PEX7: variants seen among roughly 807,000 people sequenced by gnomAD.
The protein encoded by PEX7 is peroxisomal biogenesis factor 7.
PEX7 carries 34 observed loss-of-function variants against 47.5 expected under a neutral mutation model. That is an observed-to-expected ratio of 0.72 (90% CI 0.54 to 0.95). The LOEUF is 0.95. Ranked by LOEUF, PEX7 falls within the 40% of genes least tolerant of loss-of-function variation. The pLI is 0.00. For synonymous variants in PEX7, 141 were observed against 148.8 expected (o/e 0.95, Z 0.38); for missense variants, 394 against 400.3 (o/e 0.98, Z 0.13).
intron 1 of PEX7, among the ~76,000 whole-genome samples, chr6:136,824,306 TC>T (rs1774146552): frequency 6.6e-6 from 1 of 152,148 alleles, no homozygotes; most frequent in African/African-American, 2.4e-5. Flanking sequence ...GCTCATATGA[TC>T]CTCCTGTCTC....
intron 7 of PEX7, 129 bp from the exon 8 acceptor site, chr6:136,872,069 G>A: frequency 1.3e-6 from 1 of 785,500 alleles, no homozygotes; most frequent in Non-Finnish European, 2.0e-6. Flanking sequence ...CTTTGAAAAA[G>A]CATAATTTTA....
At chr6:136,872,170 G>T (rs755201225) in intron 7 of PEX7, 28 bp from the exon 8 acceptor site, 11 of 1,588,536 alleles carry the variant, frequency 6.9e-6, no homozygotes, top group South Asian at 1.1e-5. Flanking sequence ...CTTCAAAAAG[G>T]GTTTTTTTTT....
intron 8 of PEX7, among the ~76,000 whole-genome samples, chr6:136,892,229 CT>C (rs949108032): frequency 6.6e-6 from 1 of 152,170 alleles, no homozygotes; most frequent in African/African-American, 2.4e-5. Flanking sequence ...CTAATGGACT[CT>C]TGGCATGGGC....
chr6:136,899,335 C>T (rs1013427094), intron 9 of PEX7, among the ~76,000 whole-genome samples: 5 of 152,012 alleles, frequency 3.3e-5, no homozygotes, highest in Admixed American at 1.3e-4. Context: ...CTTCGCCTCC[C>T]GGATTCAAGT....
At chr6:136,883,862 G>A (rs894959163) in intron 8 of PEX7, among the ~76,000 whole-genome samples, 1 of 152,128 alleles carries the variant, frequency 6.6e-6, no homozygotes, top group Admixed American at 6.5e-5. Flanking sequence ...TGAAAAATTG[G>A]TAAACATTTT....
intron 1 of PEX7, 47 bp downstream of exon 1, chr6:136,822,842 G>GGGTGCC: frequency 8.1e-7 from 1 of 1,231,682 alleles, no homozygotes; most frequent in Non-Finnish European, 1.0e-6. Context: ...AGGCGGAGGC[G>GGGTGCC]GGGGCCAGCC....
At chr6:136,859,169 G>A (rs1338842251) in intron 5 of PEX7, among the ~76,000 whole-genome samples, 2 of 152,128 alleles carry the variant, frequency 1.3e-5, no homozygotes, top group Non-Finnish European at 2.9e-5. Context: ...TGCAAATCTA[G>A]CATCAAATTA....
intron 6 of PEX7, among the ~76,000 whole-genome samples, chr6:136,867,153 C>A (rs1582757987): frequency 6.6e-6 from 1 of 152,254 alleles, no homozygotes; most frequent in Non-Finnish European, 1.5e-5. Context: ...GTTTTATCTT[C>A]CTTTTTAAGC....
chr6:136,875,018 A>AAG (rs892337034), intron 8 of PEX7, among the ~76,000 whole-genome samples: 26 of 152,150 alleles, frequency 1.7e-4, no homozygotes, highest in African/African-American at 6.0e-4. Flanking sequence ...ACATGCCTGT[A>AAG]ATCCCTGCTA....
chr6:136,870,056 C>A, intron 7 of PEX7, 53 bp downstream of exon 7: 1 of 1,103,212 alleles, frequency 9.1e-7, no homozygotes, highest in South Asian at 1.4e-5. Flanking sequence ...TAAATATAAT[C>A]AATGAAGTGT....
chr6:136,842,477 G>A (rs1287289132), intron 3 of PEX7, among the ~76,000 whole-genome samples: 1 of 152,178 alleles, frequency 6.6e-6, no homozygotes, highest in African/African-American at 2.4e-5. Context: ...GGATTCTCTT[G>A]AGCCGGTGGA....
intron 3 of PEX7, among the ~76,000 whole-genome samples, chr6:136,839,024 A>T (rs981866956): frequency 6.6e-6 from 1 of 152,072 alleles, no homozygotes; most frequent in Non-Finnish European, 1.5e-5. Context: ...TCTACAAAAA[A>T]TTAAAAAATT....
intron 3 of PEX7, among the ~76,000 whole-genome samples, chr6:136,830,922 T>C (rs909795313): frequency 6.6e-6 from 1 of 152,238 alleles, no homozygotes; most frequent in Non-Finnish European, 1.5e-5. Flanking sequence ...TATAAAAACT[T>C]ATTTTTGACC....
intron 8 of PEX7, among the ~76,000 whole-genome samples, chr6:136,893,240 C>T (rs920167919): frequency 6.6e-6 from 1 of 151,408 alleles, no homozygotes; most frequent in South Asian, 2.1e-4. Context: ...TTCAAATGAC[C>T]TACAAGACCT....
Position 136,884,070 on chromosome 6 carries a change from A to G in PEX7, c.803+11817A>G, listed in dbSNP as rs113457057. Among the ~76,000 whole-genome samples, 679 of 152,300 alleles carry G rather than the reference A, an allele frequency of 4.5e-3. 4 individuals carry two copies. Among genetic ancestry groups the G allele is most frequent in the African/African-American group, 0.016 (653 of 41,556 alleles). ...AGACTTTCTTGTAACAAGGAAAATA[A>G]ATAGAAAAGGAAGCCAAAATCATTT... is the stretch of plus-strand genomic sequence containing the variant. On this transcript the variant is annotated intron_variant, in intron 8 of 9. Transcript: ENST00000318471.
At chr6:136,827,501 A>G (rs1774215592) in intron 3 of PEX7, among the ~76,000 whole-genome samples, 1 of 106,562 alleles carries the variant, frequency 9.4e-6, no homozygotes, top group South Asian at 3.6e-4. Context: ...AACCTGTGTG[A>G]ATTTGTGTGT....
chr6:136,886,930 G>A (rs1775476463), intron 8 of PEX7, among the ~76,000 whole-genome samples: 1 of 151,944 alleles, frequency 6.6e-6, no homozygotes, highest in Non-Finnish European at 1.5e-5. Flanking sequence ...ACATACCTGT[G>A]ATCTCAGCTG....
intron 5 of PEX7, among the ~76,000 whole-genome samples, chr6:136,849,055 C>T (rs141318377): frequency 0.025 from 3,855 of 152,186 alleles, 57 homozygotes; most frequent in Middle Eastern, 0.048. Context: ...TTCAGGGGTT[C>T]AGCTTCTTCC....
At chr6:136,868,442 T>C (rs114164794) in intron 6 of PEX7, among the ~76,000 whole-genome samples, 6,328 of 152,184 alleles carry the variant, frequency 0.042, 148 homozygotes, top group African/African-American at 0.072. Context: ...AAATATAGTA[T>C]ATATACAATG....
Sources: allele counts gnomAD v4.1 joint callset (sites outside exome capture counted in the v4.1 genomes callset), GRCh38; gene constraint gnomAD v4.1.1; transcripts MANE v1.5; gene names NCBI Gene and HGNC (gene_info 2026-07-23, HGNC 2026-07-21).